LEPR: variants seen among roughly 807,000 people sequenced by gnomAD.
The protein encoded by LEPR is leptin receptor, also known as OB receptor.
A neutral mutation model predicts 114.7 loss-of-function variants in LEPR; 56 were observed. The observed-to-expected ratio is 0.49, with a 90% CI of 0.39 to 0.61. The LOEUF is 0.61. LEPR is among the 20% of genes least tolerant of loss of function. The pLI, the probability that LEPR is intolerant of heterozygous loss-of-function variation, is 0.00. For synonymous variants in LEPR, 443 were observed against 461.4 expected (o/e 0.96, Z 0.51); for missense variants, 1,202 against 1,352.9 (o/e 0.89, Z 1.75).
At chr1:65,625,486 A>T (rs78933610) in intron 19 of LEPR, among the ~76,000 whole-genome samples, 2,381 of 152,210 alleles carry the variant, frequency 0.016, 26 homozygotes, top group South Asian at 0.025. Context: ...TGGAAATAGC[A>T]TTACTTTTTT....
intron 6 of LEPR, among the ~76,000 whole-genome samples, chr1:65,595,611 T>G (rs1305294509): frequency 6.6e-6 from 1 of 152,118 alleles, no homozygotes; most frequent in Non-Finnish European, 1.5e-5. Flanking sequence ...ACCAAATTCT[T>G]GAAAATATAG....
Position 65,637,110 on chromosome 1 carries a change from T to G in LEPR, c.*95T>G. 1 of 1,343,376 alleles carries G rather than the reference T, an allele frequency of 7.4e-7. No homozygotes were observed. The highest frequency in any genetic ancestry group is 1.3e-5 in the South Asian group (1 of 78,088). The allele number at this position is 1,343,376 out of a possible 1,614,324, so 83.2% of individuals were successfully genotyped here. A position where few individuals can be genotyped will look rare whatever the true frequency, so the allele number is the denominator to read the frequency against. Reference sequence around the variant, plus strand: ...GTGGGAGAGAGAAAAGAAACCAGAGTCAAATTTGAAAATAATTGTTCCAAA... The same window carrying G: ...GTGGGAGAGAGAAAAGAAACCAGAGGCAAATTTGAAAATAATTGTTCCAAA... On this transcript the variant is annotated 3_prime_UTR_variant, in exon 20 of 20. Transcript: ENST00000349533.
intron 2 of LEPR, among the ~76,000 whole-genome samples, chr1:65,546,330 T>A (rs1651720390): frequency 6.6e-6 from 1 of 152,172 alleles, no homozygotes; most frequent in South Asian, 2.1e-4. Context: ...AGTAGTTTTT[T>A]CCAATTCTGT....
intron 2 of LEPR, among the ~76,000 whole-genome samples, chr1:65,507,569 A>T (rs1418056167): frequency 1.3e-5 from 2 of 149,078 alleles, no homozygotes; most frequent in African/African-American, 2.5e-5. Flanking sequence ...ACACAACATT[A>T]AAAAAAATCC....
At chr1:65,442,404 C>A in intron 2 of LEPR, among the ~76,000 whole-genome samples, 1 of 152,118 alleles carries the variant, frequency 6.6e-6, no homozygotes, top group East Asian at 1.9e-4. Context: ...TTTGTCCTGC[C>A]TTTTCCAACT....
chr1:65,434,321 C>CT lies in LEPR; in HGVS notation c.-21+8950dup, dbSNP rs927501202. The CT allele has an allele frequency of 6.1e-6, 6 of 984,652 alleles. No homozygotes were observed. The Admixed American group carries it at 3.1e-4, about 51-fold the overall frequency. 61.0% of individuals were successfully genotyped at this position (984,652 alleles called of 1,614,324 possible). The stretch of plus-strand genomic sequence containing the variant: ...GACATTTTTTTCCTTATAAAAGGCT[C>CT]TTTTTTTATATATTGTACAATATAT... On this transcript the variant is annotated intron_variant, in intron 2 of 19. Transcript: ENST00000349533.
At chr1:65,454,953 T>G (rs903058247) in intron 2 of LEPR, among the ~76,000 whole-genome samples, 3 of 152,126 alleles carry the variant, frequency 2.0e-5, no homozygotes, top group Non-Finnish European at 4.4e-5. Flanking sequence ...TTCACATAGT[T>G]CCATATTTCT....
At position 65,488,192 on chromosome 1, in the gene LEPR, CTT is replaced by C. The variant is rs1352809601; in HGVS notation, c.-21+62816_-21+62817del. On this transcript the variant is annotated intron_variant, in intron 2 of 19. Coordinates refer to ENST00000349533, the MANE Select transcript of LEPR (RefSeq NM_002303.6). ...TCTTTCTTTCTTTCTTTCTTTCTTT[CTT>C]TCTTTCTTTCTTTCTTTCTCTCTCT... is the stretch of plus-strand genomic sequence containing the variant. 6.8e-4 allele frequency among the ~76,000 whole-genome samples: 14 copies of C among 20,570 alleles called. 1 individual carries two copies. Among genetic ancestry groups the C allele is most frequent in the South Asian group, 1.6e-3 (1 of 608 alleles). 13.5% of individuals were successfully genotyped at this position (20,570 alleles called of 152,430 possible).
chr1:65,443,239 T>C (rs1207706619), intron 2 of LEPR, among the ~76,000 whole-genome samples: 2 of 152,074 alleles, frequency 1.3e-5, no homozygotes, highest in African/African-American at 4.8e-5. Flanking sequence ...TCAATTGCTT[T>C]CCTAAACACC....
At chr1:65,549,718 A>G (rs1238060487) in intron 2 of LEPR, among the ~76,000 whole-genome samples, 5 of 151,854 alleles carry the variant, frequency 3.3e-5, no homozygotes, top group Non-Finnish European at 5.9e-5. Context: ...ATTTGTCTAA[A>G]TTTTTTTCAA....
rs368284717 is a variant in LEPR at position 65,636,784 on chromosome 1, G to A, written c.3267G>A (p.Glu1089=). The A allele has an allele frequency of 6.2e-7, 1 of 1,613,950 alleles. No homozygotes were observed. Among genetic ancestry groups the A allele is most frequent in the Non-Finnish European group, 8.5e-7 (1 of 1,180,004 alleles). Residue 1089 remains glutamate (E), a synonymous_variant, in exon 20 of 20, where the codon GAG becomes GAA. Coordinates refer to ENST00000349533, the MANE Select transcript of LEPR (RefSeq NM_002303.6). ...YLGVTSIKKR[E]SGVLLTDKSR... The stretch of plus-strand genomic sequence containing the variant: ...GGGTCACCTCAATCAAAAAGAGAGA[G>A]AGTGGTGTGCTTTTGACTGACAAGT...
chr1:65,509,291 G>A (rs1648911225), intron 2 of LEPR, among the ~76,000 whole-genome samples: 1 of 152,062 alleles, frequency 6.6e-6, no homozygotes, highest in Admixed American at 6.6e-5. Context: ...AATCTTCAGC[G>A]TTCACAATTG....
At chr1:65,469,350 G>A (rs1057332056) in intron 2 of LEPR, among the ~76,000 whole-genome samples, 1 of 152,222 alleles carries the variant, frequency 6.6e-6, no homozygotes, top group Non-Finnish European at 1.5e-5. Context: ...ACAAGCAAAG[G>A]TCCAGAACTA....
intron 2 of LEPR, among the ~76,000 whole-genome samples, chr1:65,547,542 G>T (rs1195729917): frequency 2.0e-5 from 3 of 151,490 alleles, no homozygotes; most frequent in African/African-American, 4.9e-5. Flanking sequence ...TTGGGAGAGT[G>T]TATGTGTCGA....
At chr1:65,503,525 G>C (rs1281184401) in intron 2 of LEPR, among the ~76,000 whole-genome samples, 2 of 152,128 alleles carry the variant, frequency 1.3e-5, no homozygotes, top group African/African-American at 2.4e-5. Flanking sequence ...AGTCTCCCAT[G>C]GGGGAACAGG....
At chr1:65,631,490 A>G (rs1198332144) in intron 19 of LEPR, among the ~76,000 whole-genome samples, 1 of 150,284 alleles carries the variant, frequency 6.7e-6, no homozygotes, top group African/African-American at 2.5e-5. Flanking sequence ...ATTGTTTTCT[A>G]TCTTTTAGCA....
chr1:65,623,996 A>C (rs1341940590), intron 19 of LEPR, among the ~76,000 whole-genome samples: 3 of 151,996 alleles, frequency 2.0e-5, no homozygotes, highest in African/African-American at 7.2e-5. Context: ...ACCCCCTTTA[A>C]GTTCCTAGAT....
intron 2 of LEPR, among the ~76,000 whole-genome samples, chr1:65,458,982 A>G (rs1646911713): frequency 6.6e-6 from 1 of 152,202 alleles, no homozygotes; most frequent in African/African-American, 2.4e-5. Flanking sequence ...GAGTCCATCA[A>G]AGGCACTCTT....
Position 65,554,581 on chromosome 1 carries a change from C to G in LEPR, c.-20-10965C>G, listed in dbSNP as rs201451250. Among the ~76,000 whole-genome samples the G allele has an allele frequency of 2.0e-5, 3 of 152,144 alleles. No individual in the cohort carries two copies. The East Asian group carries it at 5.8e-4, about 29-fold the overall frequency. On this transcript the variant is annotated intron_variant, in intron 2 of 19. Transcript: ENST00000349533. ...CCTTCCCCCACCAAGCTTGAGTGTC[C>G]CAGGTCGATTTCTGCTGTGCTGGCA...
Sources: allele counts gnomAD v4.1 joint callset (sites outside exome capture counted in the v4.1 genomes callset), GRCh38; gene constraint gnomAD v4.1.1; transcripts MANE v1.5; gene names NCBI Gene and HGNC (gene_info 2026-07-23, HGNC 2026-07-21).